Variants in CAST observed in about 807,000 individuals in gnomAD.
CAST encodes the protein calpastatin.
CAST carries 76 observed loss-of-function variants against 119.6 expected under a neutral mutation model. The ratio of observed to expected loss-of-function variants is 0.64; its 90% confidence interval spans 0.53 to 0.77. CAST has a LOEUF of 0.77. Ranked by LOEUF, CAST falls within the 30% of genes least tolerant of loss-of-function variation. The pLI is 0.00. For missense variants in CAST, 953 were observed against 946.5 expected (o/e 1.01, Z -0.09); for synonymous variants, 319 against 331.6 (o/e 0.96, Z 0.41).
the CAST span, among the ~76,000 whole-genome samples, chr5:96,306,870 C>T: frequency 6.6e-6 from 1 of 152,108 alleles, no homozygotes. Flanking sequence ...TTACTTTCAA[C>T]TATGTGGTCA....
At chr5:96,771,880 G>T (rs2150812423) in intron 31 of CAST, 178 bp downstream of exon 31, 1 of 438,158 alleles carries the variant, frequency 2.3e-6, no homozygotes, top group South Asian at 6.2e-5. Flanking sequence ...AGCACTAAAT[G>T]GGATGAGTTT....
intron 1 of CAST, among the ~76,000 whole-genome samples, chr5:96,618,021 C>T (rs73774337): frequency 6.6e-6 from 1 of 152,122 alleles, no homozygotes; most frequent in African/African-American, 2.4e-5. Context: ...CCACACAGGA[C>T]AAGGATCTTC....
At chr5:95,967,900 G>C in the CAST span, among the ~76,000 whole-genome samples, 3 of 152,142 alleles carry the variant, frequency 2.0e-5, no homozygotes, top group Non-Finnish European at 2.9e-5. Context: ...CACTATCTCT[G>C]AATTTTCTGT....
intron 3 of CAST, among the ~76,000 whole-genome samples, chr5:96,715,716 G>A (rs1334681578): frequency 1.3e-5 from 2 of 152,134 alleles, no homozygotes; most frequent in Non-Finnish European, 2.9e-5. Flanking sequence ...TGTCTATGAA[G>A]CCTTTCCTAA....
chr5:96,331,893 G>A, the CAST span, among the ~76,000 whole-genome samples: 1 of 152,120 alleles, frequency 6.6e-6, no homozygotes, highest in Non-Finnish European at 1.5e-5. Flanking sequence ...GGAAAGATGG[G>A]GATATAATCA....
intron 1 of CAST, among the ~76,000 whole-genome samples, chr5:96,641,891 A>T (rs1017809086): frequency 1.3e-5 from 2 of 152,206 alleles, no homozygotes; most frequent in African/African-American, 2.4e-5. Context: ...AAAGCCCAGG[A>T]TCCTCACAGC....
chr5:96,684,575 T>G (rs1041411253), intron 2 of CAST, among the ~76,000 whole-genome samples: 4 of 151,974 alleles, frequency 2.6e-5, no homozygotes. Context: ...CTTTTTTTTT[T>G]TTTTTGAGAT....
At chr5:96,661,998 T>G (rs80247483), upstream of CAST, 1,349 of 166,466 alleles carry the variant, frequency 8.1e-3, 21 homozygotes, top group African/African-American at 0.031. Context: ...CTTCTCCGGA[T>G]TGTTGGGAGG....
At chr5:96,624,129 A>C (rs1438854245) in intron 1 of CAST, among the ~76,000 whole-genome samples, 1 of 152,228 alleles carries the variant, frequency 6.6e-6, no homozygotes, top group Non-Finnish European at 1.5e-5. Context: ...ACACCAGGGC[A>C]CTCCACAAAT....
Position 96,770,609 on chromosome 5 carries a change from G to A in CAST, c.2340+7G>A, listed in dbSNP as rs765363194. ...AGCGAAGGATTCAGCAAAGGTAAATGGAGCAGTAAATATACTACAAATTAG... is the reference window on the plus strand; with the variant it reads ...AGCGAAGGATTCAGCAAAGGTAAATAGAGCAGTAAATATACTACAAATTAG... On this transcript the variant is annotated splice_region_variant and intron_variant, in intron 30 of 31. Transcript: ENST00000675179. 3.1e-6 allele frequency: 5 copies of A among 1,595,380 alleles called. No homozygotes were observed. The highest frequency in any genetic ancestry group is 4.3e-6 in the Non-Finnish European group (5 of 1,163,532).
chr5:96,033,429 AT>A, the CAST span, among the ~76,000 whole-genome samples: 1 of 152,170 alleles, frequency 6.6e-6, no homozygotes, highest in African/African-American at 2.4e-5. Flanking sequence ...CCAAAACAGC[AT>A]GCTACTGACA....
chr5:96,320,209 T>C, the CAST span, among the ~76,000 whole-genome samples: 1 of 149,996 alleles, frequency 6.7e-6, no homozygotes, highest in Non-Finnish European at 1.5e-5. Context: ...GGCTGTGGCC[T>C]CTTTTGGAAA....
chr5:96,410,176 C>T, the CAST span, among the ~76,000 whole-genome samples: 1 of 152,094 alleles, frequency 6.6e-6, no homozygotes, highest in South Asian at 2.1e-4. Context: ...TGCCCTTGGC[C>T]GTCTGACTCA....
At chr5:96,441,093 A>C in the CAST span, among the ~76,000 whole-genome samples, 1 of 152,242 alleles carries the variant, frequency 6.6e-6, no homozygotes, top group Non-Finnish European at 1.5e-5. Context: ...TGAAGTTATT[A>C]TACATAACAT....
At chr5:96,568,421 T>C (rs771548096) in intron 1 of CAST, among the ~76,000 whole-genome samples, 2 of 151,968 alleles carry the variant, frequency 1.3e-5, no homozygotes, top group East Asian at 3.9e-4. Flanking sequence ...AAAAATTAGC[T>C]GGGCATAGCA....
intron 16 of CAST, 66 bp downstream of exon 16, chr5:96,742,822 G>A: frequency 9.3e-7 from 1 of 1,070,698 alleles, no homozygotes. Flanking sequence ...AATGCACTCT[G>A]CATGTTTAGA....
the CAST span, chr5:96,429,351 G>A: frequency 5.4e-3 from 6,536 of 1,205,242 alleles, 264 homozygotes; most frequent in African/African-American, 0.086. Context: ...AAATATCCAC[G>A]TTCCCAAACA....
chr5:96,312,862 A>G, the CAST span, among the ~76,000 whole-genome samples: 2 of 152,120 alleles, frequency 1.3e-5, no homozygotes, highest in African/African-American at 4.8e-5. Flanking sequence ...ACCATAAAAC[A>G]TAGAAAATAA....
Position 96,740,782 on chromosome 5 carries a change from C to T in CAST, c.917C>T (p.Ser306Leu), listed in dbSNP as rs200085642. The T allele has an allele frequency of 1.8e-4, 293 of 1,589,238 alleles. No homozygotes were observed. Among genetic ancestry groups the T allele is most frequent in the Non-Finnish European group, 2.3e-4 (264 of 1,157,392 alleles). ...EGITGPPADSSKPIGPDDAID... is the reference protein window; with the variant it reads ...EGITGPPADSLKPIGPDDAID... ...ATCACAGGGCCTCCTGCAGACTCTT[C>T]GGTGAGTTTACATACATGTCTTCTG... The change falls in exon 13 of 32, where the codon TCG becomes TTG. Residue 306 changes from serine (S) to leucine (L), a missense_variant and splice_region_variant. Ser to Leu is a moderately radical substitution (Grantham distance 145). Transcript: ENST00000675179.
Sources: gnomAD v4.1 joint callset for allele counts (sites outside exome capture counted in the v4.1 genomes callset) on GRCh38, gnomAD v4.1.1 for gene constraint, MANE v1.5 for transcripts, NCBI Gene and HGNC (gene_info 2026-07-23, HGNC 2026-07-21) for gene names.